The following SPHKAP variants were observed in gnomAD, a reference collection of about 807,000 sequenced individuals.
The protein encoded by SPHKAP is A-kinase anchor protein SPHKAP.
A neutral mutation model predicts 137.5 loss-of-function variants in SPHKAP; 67 were observed. That is an observed-to-expected ratio of 0.49 (90% confidence interval 0.40 to 0.60). The LOEUF is 0.60. SPHKAP is among the 20% of genes least tolerant of loss of function. SPHKAP has a pLI of 0.00. For missense variants in SPHKAP, 2,097 were observed against 2,069.3 expected, an observed-to-expected ratio of 1.01 and a Z score of -0.26; for synonymous variants, 813 against 785.3, an observed-to-expected ratio of 1.04 and a Z score of -0.59.
intron 3 of SPHKAP, among the ~76,000 whole-genome samples, chr2:228,095,254 G>A (rs1697944643): frequency 6.6e-6 from 1 of 152,166 alleles, no homozygotes; most frequent in African/African-American, 2.4e-5. Flanking sequence ...CAAGTTTACA[G>A]TCCAGAGATG....
At chr2:228,165,580 G>A (rs1370796279) in intron 1 of SPHKAP, among the ~76,000 whole-genome samples, 5 of 152,136 alleles carry the variant, frequency 3.3e-5, no homozygotes, top group Non-Finnish European at 7.3e-5. Flanking sequence ...CACCTGCATT[G>A]CTTAGTGAGA....
intron 1 of SPHKAP, among the ~76,000 whole-genome samples, chr2:228,150,836 G>A (rs541656089): frequency 1.6e-4 from 25 of 151,754 alleles, no homozygotes; most frequent in Middle Eastern, 3.4e-3. Flanking sequence ...TCACAGCCTC[G>A]ATCTCCTTGG....
chr2:228,137,176 G>A (rs1699459918), intron 1 of SPHKAP, among the ~76,000 whole-genome samples: 1 of 152,070 alleles, frequency 6.6e-6, no homozygotes. Flanking sequence ...TTGTCCAAAA[G>A]GCATACAATT....
intron 2 of SPHKAP, among the ~76,000 whole-genome samples, chr2:228,120,614 G>A (rs561620422): frequency 6.6e-6 from 1 of 152,038 alleles, no homozygotes; most frequent in Non-Finnish European, 1.5e-5. Flanking sequence ...CTCATATTCT[G>A]GAAGCTACAC....
chr2:227,995,458 G>T, intron 8 of SPHKAP, 51 bp downstream of exon 8: 1 of 1,603,002 alleles, frequency 6.2e-7, no homozygotes. Flanking sequence ...TGCATTTTTA[G>T]AATCTGTGTT....
At chr2:228,035,484 C>T (rs1260214809) in intron 3 of SPHKAP, among the ~76,000 whole-genome samples, 1 of 152,000 alleles carries the variant, frequency 6.6e-6, no homozygotes, top group Non-Finnish European at 1.5e-5. Context: ...TCAATGCCAT[C>T]CCCATCAAGC....
chr2:228,036,721 A>T (rs1021468523), intron 3 of SPHKAP, among the ~76,000 whole-genome samples: 7 of 152,174 alleles, frequency 4.6e-5, no homozygotes, highest in Non-Finnish European at 1.5e-5. Flanking sequence ...TGATGAGTTC[A>T]TGTCCTTTGT....
chr2:228,073,106 C>A (rs1466259955), intron 3 of SPHKAP, among the ~76,000 whole-genome samples: 1 of 152,196 alleles, frequency 6.6e-6, no homozygotes, highest in African/African-American at 2.4e-5. Flanking sequence ...AACATCTAGT[C>A]AAAGCAGTTT....
At chr2:228,012,981 T>C (rs948702625) in intron 7 of SPHKAP, among the ~76,000 whole-genome samples, 4 of 152,176 alleles carry the variant, frequency 2.6e-5, no homozygotes, top group African/African-American at 9.7e-5. Flanking sequence ...CATGAAAACA[T>C]GCCTAAAGAA....
chr2:227,980,919 A>T lies in SPHKAP; in HGVS notation c.*798T>A, dbSNP rs1462266843. ...TGTATTTCATATTATTCAAGACACAAGCAGATTTTATCTGAAAAGACTTTT... is the reference window on the plus strand; with the variant it reads ...TGTATTTCATATTATTCAAGACACATGCAGATTTTATCTGAAAAGACTTTT... On this transcript the variant is annotated 3_prime_UTR_variant, in exon 12 of 12. Transcript: ENST00000392056. 2 of 152,256 alleles carry T rather than the reference A, an allele frequency of 1.3e-5. No individual in the cohort carries two copies. Among genetic ancestry groups the T allele is most frequent in the African/African-American group, 4.8e-5 (2 of 41,478 alleles). 9.4% of individuals were successfully genotyped at this position (152,256 alleles called of 1,614,324 possible).
At chr2:227,992,017 A>G (rs1014676591) in intron 9 of SPHKAP, among the ~76,000 whole-genome samples, 33 of 152,288 alleles carry the variant, frequency 2.2e-4, no homozygotes, top group African/African-American at 6.3e-4. Flanking sequence ...GTGTTTTCAT[A>G]TGGTGTGTAC....
At chr2:228,061,515 G>A (rs1053377705) in intron 3 of SPHKAP, among the ~76,000 whole-genome samples, 2 of 151,896 alleles carry the variant, frequency 1.3e-5, no homozygotes, top group Non-Finnish European at 2.9e-5. Flanking sequence ...CAAATAATCT[G>A]CCTGTCTTGG....
At chr2:228,166,770 G>A (rs1186801666) in intron 1 of SPHKAP, among the ~76,000 whole-genome samples, 2 of 152,080 alleles carry the variant, frequency 1.3e-5, no homozygotes, top group Non-Finnish European at 1.5e-5. Flanking sequence ...TTCTTGCATT[G>A]CTATGAAGAA....
intron 2 of SPHKAP, among the ~76,000 whole-genome samples, chr2:228,124,837 T>C (rs1699023456): frequency 6.6e-6 from 1 of 152,220 alleles, no homozygotes; most frequent in Non-Finnish European, 1.5e-5. Context: ...AATTACATCT[T>C]ATCAAAAAGA....
intron 3 of SPHKAP, among the ~76,000 whole-genome samples, chr2:228,078,907 C>T (rs573498745): frequency 7.9e-5 from 12 of 152,186 alleles, no homozygotes; most frequent in South Asian, 2.1e-4. Flanking sequence ...CCAGTACCCA[C>T]GAACGGAGCC....
intron 3 of SPHKAP, among the ~76,000 whole-genome samples, chr2:228,030,513 CAAAAAA>C (rs11287311): frequency 2.1e-5 from 1 of 48,778 alleles, no homozygotes; most frequent in Non-Finnish European, 4.0e-5. Flanking sequence ...GATACCATCT[CAAAAAA>C]AAAAAAAAAA....
chr2:227,991,699 T>C lies in SPHKAP; in HGVS notation c.4722-373A>G, dbSNP rs529920304. On this transcript the variant is annotated intron_variant, in intron 9 of 11. Coordinates refer to ENST00000392056, the MANE Select transcript of SPHKAP (RefSeq NM_001142644.2). Reference sequence around the variant, plus strand: ...AGTTCTGATTTGGAGATTTATTCTTTTGCATTTTACTTTCATCTTAATGAA... The same window carrying C: ...AGTTCTGATTTGGAGATTTATTCTTCTGCATTTTACTTTCATCTTAATGAA... The C allele has an allele frequency of 5.1e-6, 5 of 983,942 alleles. No homozygotes were observed. In the African/African-American group the frequency reaches 7.0e-5, roughly 14 times the overall value. 61.0% of individuals were successfully genotyped at this position (983,942 alleles called of 1,614,324 possible).
intron 1 of SPHKAP, among the ~76,000 whole-genome samples, chr2:228,161,546 A>C (rs1293142533): frequency 6.6e-6 from 1 of 152,260 alleles, no homozygotes; most frequent in Admixed American, 6.5e-5. Flanking sequence ...ACACACTGTC[A>C]GAGGGGTGAG....
chr2:228,069,564 G>A (rs1455900725), intron 3 of SPHKAP, among the ~76,000 whole-genome samples: 2 of 150,666 alleles, frequency 1.3e-5, no homozygotes, highest in Non-Finnish European at 3.0e-5. Flanking sequence ...GGGACTACAG[G>A]TGTGAGCCAC....
Sources: allele counts gnomAD v4.1 joint callset (sites outside exome capture counted in the v4.1 genomes callset), GRCh38; gene constraint gnomAD v4.1.1; transcripts MANE v1.5; gene names NCBI Gene and HGNC (gene_info 2026-07-23, HGNC 2026-07-21).